Variants in MYH13 observed in about 807,000 individuals in gnomAD.
The protein encoded by MYH13 is myosin-13.
A neutral mutation model predicts 232.1 loss-of-function variants in MYH13; 177 were observed. The ratio of observed to expected loss-of-function variants is 0.76; its 90% confidence interval spans 0.67 to 0.86. The LOEUF is 0.86. Among genes scored for constraint, MYH13 ranks in the 40% least tolerant of loss-of-function variants. The probability of loss-of-function intolerance (pLI) is 0.00; values close to 1 mark genes in which losing one functional copy is unlikely to be tolerated. For synonymous variants in MYH13, 884 were observed against 923.5 expected, an observed-to-expected ratio of 0.96 and a Z score of 0.78; for missense variants, 2,246 against 2,405.9, an observed-to-expected ratio of 0.93 and a Z score of 1.39.
At position 10,312,741 on chromosome 17, in the gene MYH13, T is replaced by C; in HGVS notation, c.4198A>G (p.Arg1400Gly). Residue 1400 changes from arginine (R) to glycine (G), a missense_variant, in exon 31 of 41, where the codon AGG (arginine) becomes GGG (glycine). Physicochemically the swap from Arg to Gly is moderately radical, Grantham distance 125 (BLOSUM62 -2). Transcript: ENST00000252172. Reference sequence around the variant, plus strand: ...GTGTTCTCCTCTGCTTCCTGGAGCCTCTGGGCCAGTTTTTTCCTACGAAAA... The same window carrying C: ...GTGTTCTCCTCTGCTTCCTGGAGCCCCTGGGCCAGTTTTTTCCTACGAAAA... Reference protein sequence around the residue: ...LEEAKKKLAQRLQEAEENTET... With the variant: ...LEEAKKKLAQGLQEAEENTET... The C allele has an allele frequency of 1.2e-6, 2 of 1,608,212 alleles. No homozygotes were observed. The highest frequency in any genetic ancestry group is 1.1e-5 in the South Asian group (1 of 89,234).
intron 18 of MYH13, among the ~76,000 whole-genome samples, chr17:10,335,762 AAAG>A (rs1555550687): frequency 6.6e-6 from 1 of 152,230 alleles, no homozygotes; most frequent in African/African-American, 2.4e-5. Flanking sequence ...CTTGAAAAAA[AAAG>A]AGAGAGAGAG....
At chr17:10,303,836 G>A (rs765661372) in intron 37 of MYH13, among the ~76,000 whole-genome samples, 1 of 152,120 alleles carries the variant, frequency 6.6e-6, no homozygotes, top group Non-Finnish European at 1.5e-5. Flanking sequence ...GTTTACTGAG[G>A]CACCGTTCAC....
Position 10,309,666 on chromosome 17 carries a change from A to G in MYH13, c.4821T>C (p.Ala1607=). 1 of 1,610,634 alleles carries G rather than the reference A, an allele frequency of 6.2e-7. No homozygotes were observed. Among genetic ancestry groups the G allele is most frequent in the Non-Finnish European group, 8.5e-7 (1 of 1,178,416 alleles). Residue 1607 remains alanine, a synonymous_variant, in exon 34 of 41, where the codon GCT becomes GCC. Transcript: ENST00000252172. ...GGGCGTCGTTCCGGCTGCGGATTTC[A>G]GCATCCAGCACGCTCTGCAGGGCCT... ...AAEALQSVLD[A]EIRSRNDALR...
chr17:10,368,745 G>A (rs2071856623), intron 2 of MYH13, among the ~76,000 whole-genome samples: 1 of 152,166 alleles, frequency 6.6e-6, no homozygotes, highest in Non-Finnish European at 1.5e-5. Context: ...GACTCTACAA[G>A]AACCCACAGA....
intron 11 of MYH13, among the ~76,000 whole-genome samples, chr17:10,353,483 G>A (rs796515254): frequency 2.8e-4 from 43 of 152,314 alleles, no homozygotes; most frequent in African/African-American, 1.0e-3. Context: ...TATGGGTGGA[G>A]CCAACAAGGG....
intron 29 of MYH13, among the ~76,000 whole-genome samples, chr17:10,314,248 T>C (rs1906623745): frequency 6.6e-6 from 1 of 152,034 alleles, no homozygotes; most frequent in African/African-American, 2.4e-5. Context: ...GGAGAAACCC[T>C]GTCACTACTA....
chr17:10,303,583 A>C, intron 37 of MYH13, 85 bp from the exon 38 acceptor site: 5 of 1,156,136 alleles, frequency 4.3e-6, no homozygotes, highest in Non-Finnish European at 6.5e-6. Flanking sequence ...TTCTAGAGTG[A>C]ACTCAAGATC....
intron 12 of MYH13, among the ~76,000 whole-genome samples, chr17:10,349,058 C>T (rs1255018764): frequency 6.7e-6 from 1 of 149,678 alleles, no homozygotes; most frequent in African/African-American, 2.5e-5. Flanking sequence ...CCCTTCCCTT[C>T]CTTTCCCTTC....
At chr17:10,343,215 T>C (rs567547360) in intron 16 of MYH13, among the ~76,000 whole-genome samples, 106 of 152,186 alleles carry the variant, frequency 7.0e-4, no homozygotes, top group African/African-American at 2.5e-3. Flanking sequence ...TTTTTTTTTT[T>C]TTAATAGAGT....
At chr17:10,355,032 A>G (rs371281943) in intron 9 of MYH13, 39 bp from the exon 10 acceptor site, 1 of 1,610,762 alleles carries the variant, frequency 6.2e-7, no homozygotes, top group Non-Finnish European at 8.5e-7. Flanking sequence ...GGCTCCCAAG[A>G]GATGCTTTTG....
At chr17:10,362,980 A>G (rs2071805378) in intron 3 of MYH13, among the ~76,000 whole-genome samples, 1 of 152,138 alleles carries the variant, frequency 6.6e-6, no homozygotes, top group South Asian at 2.1e-4. Context: ...CAACTCTTCC[A>G]CGACCCATCT....
intron 23 of MYH13, among the ~76,000 whole-genome samples, chr17:10,322,336 T>G (rs1365169157): frequency 1.3e-5 from 2 of 152,110 alleles, no homozygotes. Flanking sequence ...AGGCAGAGGT[T>G]GCAGTGAGCT....
chr17:10,340,611 C>T (rs546073186), intron 16 of MYH13, among the ~76,000 whole-genome samples: 21 of 152,236 alleles, frequency 1.4e-4, no homozygotes, highest in African/African-American at 4.8e-4. Context: ...CTCCACCTCC[C>T]GGGTTCAAGC....
chr17:10,309,745 A>C lies in MYH13; in HGVS notation c.4742T>G (p.Ile1581Ser). ...QVKSELDRKV[I>S]EKDEEIEQLK... Reference sequence around the variant, plus strand: ...CTGCTCGATTTCTTCATCCTTCTCAATGACCTTGCGGTCTAGCTCGGATTT... The same window carrying C: ...CTGCTCGATTTCTTCATCCTTCTCACTGACCTTGCGGTCTAGCTCGGATTT... Residue 1581 changes from isoleucine to serine, a missense_variant, in exon 34 of 41, where the codon ATT becomes AGT. Coordinates refer to ENST00000252172, the MANE Select transcript of MYH13 (RefSeq NM_003802.3). 1 of 1,602,386 alleles carries C rather than the reference A, an allele frequency of 6.2e-7. No individual in the cohort carries two copies. The highest frequency in any genetic ancestry group is 1.1e-5 in the South Asian group (1 of 88,702).
At position 10,320,224 on chromosome 17, in the gene MYH13, G is replaced by A. The variant is rs760534346; in HGVS notation, c.3277C>T (p.Gln1093Ter). Residue 1093 changes from glutamine to a stop codon, truncating the protein, a stop_gained, in exon 26 of 41, where the codon CAG becomes TAG. Transcript: ENST00000252172. LOFTEE classifies it high-confidence loss of function. ...KLKKKEFELS[Q>*]LQAKIDDEQV... is the part of the protein sequence containing the mutation. ...TCGTCATCTATTTTGGCTTGTAACT[G>A]ACTGAGTTCAAACTCCTTCCTGCAA... 2 of 1,604,790 alleles carry A rather than the reference G, an allele frequency of 1.2e-6. No homozygotes were observed. Among genetic ancestry groups the A allele is most frequent in the Admixed American group, 1.7e-5 (1 of 58,402 alleles).
chr17:10,343,939 G>C lies in MYH13; in HGVS notation c.1755C>G (p.Ala585=), dbSNP rs1040817237. Residue 585 remains alanine, a synonymous_variant, in exon 16 of 41, where the codon GCC becomes GCG. Coordinates refer to ENST00000252172, the MANE Select transcript of MYH13 (RefSeq NM_003802.3). ...AEAHFSLVHY[A]GTVDYNIAGW... ...CGGCGATGTTGTAGTCCACGGTGCC[G>C]GCATAGTGCACCAGCGAGAAGTGAG... 3 of 1,614,084 alleles carry C rather than the reference G, an allele frequency of 1.9e-6. No individual in the cohort carries two copies. The highest frequency in any genetic ancestry group is 2.5e-6 in the Non-Finnish European group (3 of 1,180,040).
In MYH13 at chr17:10,318,216, T is replaced by TG. The variant is rs539553370; in HGVS notation, c.3738+573dup. ...GAGATGGCGCCACTGCAATCCAGCC[T>TG]GGGGAACAAGAGCGAAACAGTGGTG... is the stretch of plus-strand genomic sequence containing the variant. On this transcript the variant is annotated intron_variant, in intron 27 of 40. Transcript: ENST00000252172. Among the ~76,000 whole-genome samples, 26 of 152,342 alleles carry TG rather than the reference T, an allele frequency of 1.7e-4. No individual in the cohort carries two copies. In the East Asian group the frequency reaches 4.4e-3, roughly 26 times the overall value.
chr17:10,338,168 A>G (rs925684744), intron 18 of MYH13, among the ~76,000 whole-genome samples: 4 of 152,354 alleles, frequency 2.6e-5, no homozygotes, highest in Non-Finnish European at 4.4e-5. Flanking sequence ...TCAGGCCACA[A>G]GCATGTTTGA....
intron 2 of MYH13, among the ~76,000 whole-genome samples, chr17:10,365,736 G>A (rs1012832360): frequency 1.3e-5 from 2 of 152,150 alleles, no homozygotes; most frequent in Non-Finnish European, 2.9e-5. Flanking sequence ...GAAGTACTGG[G>A]CCTCTAAACT....
Sources: allele counts gnomAD v4.1 joint callset (sites outside exome capture counted in the v4.1 genomes callset), GRCh38; gene constraint gnomAD v4.1.1; transcripts MANE v1.5; gene names NCBI Gene and HGNC (gene_info 2026-07-23, HGNC 2026-07-21).